The following HSF4 variants were observed in gnomAD, a reference collection of about 807,000 sequenced individuals.
HSF4 encodes the protein heat shock factor protein 4.
HSF4 carries 41 observed loss-of-function variants against 52.0 expected under a neutral mutation model. That is an observed-to-expected ratio of 0.79 (90% CI 0.61 to 1.02). The LOEUF (loss-of-function observed/expected upper bound fraction) is 1.02. HSF4 is among the 50% of genes least tolerant of loss of function. HSF4 has a pLI of 0.00. For synonymous variants in HSF4, 285 were observed against 273.0 expected, an observed-to-expected ratio of 1.04 and a Z score of -0.43; for missense variants, 610 against 651.1, an observed-to-expected ratio of 0.94 and a Z score of 0.69.
In HSF4 at chr16:67,169,887, A is replaced by G; in HGVS notation, c.*102A>G. 6 of 1,240,900 alleles carry G rather than the reference A, an allele frequency of 4.8e-6. No individual in the cohort carries two copies. Among genetic ancestry groups the G allele is most frequent in the Non-Finnish European group, 7.1e-6 (6 of 849,420 alleles). 76.9% of individuals were successfully genotyped at this position (1,240,900 alleles called of 1,614,324 possible). On this transcript the variant is annotated 3_prime_UTR_variant, in exon 13 of 13. Coordinates refer to ENST00000521374, the MANE Select transcript of HSF4 (RefSeq NM_001374675.1). The surrounding 1 kb of genome is among the most constrained non-coding windows in gnomAD (Gnocchi z 4.3). ...GGGGTGAGCGAAGCCCCCACTACTA[A>G]ATGGCCTCTCTCCACTACCCCGACT...
At position 67,165,745 on chromosome 16, in the gene HSF4, G is replaced by A. The variant is rs367654370; in HGVS notation, c.259G>A (p.Glu87Lys). Residue 87 changes from glutamate (E) to lysine (K), a missense_variant, in exon 3 of 13, where the codon GAG becomes AAG. Physicochemically the swap from Glu to Lys is moderately conservative, Grantham distance 56 (BLOSUM62 1). Coordinates refer to ENST00000521374, the MANE Select transcript of HSF4 (RefSeq NM_001374675.1). The surrounding 1 kb of genome is among the most constrained non-coding windows in gnomAD (Gnocchi z 6.9). ...CGGTTTTCGGAAGGTGGTGAGCATC[G>A]AGCAGGGCGGCCTGCTTAGGCCGGA... ...MYGFRKVVSIEQGGLLRPERD... is the reference protein window; with the variant it reads ...MYGFRKVVSIKQGGLLRPERD... The A allele has an allele frequency of 1.5e-4, 241 of 1,611,526 alleles. No individual in the cohort carries two copies. Among genetic ancestry groups the A allele is most frequent in the Non-Finnish European group, 2.0e-4 (234 of 1,179,794 alleles).
At chr16:67,163,933 C>T, upstream of HSF4, 4 of 1,462,598 alleles carry the variant, frequency 2.7e-6, no homozygotes, top group South Asian at 3.7e-5. Flanking sequence ...TGTTGCCCCC[C>T]GGGTCTTTAC....
rs1193140574 is a variant in HSF4, at chr16:67,165,003, C to T, written c.123+69C>T. ...CCTCCACGTCAGTGAACACCCATGC[C>T]CGCCCAACCCCCTCCTGAGACTGGG... On this transcript the variant is annotated intron_variant, in intron 1 of 12. Coordinates refer to ENST00000521374, the MANE Select transcript of HSF4 (RefSeq NM_001374675.1). This position sits in a 1 kb window ranked among gnomAD's most constrained non-coding sequence, Gnocchi z 6.9. The T allele has an allele frequency of 3.4e-6, 5 of 1,456,306 alleles. No individual in the cohort carries two copies. In the East Asian group the frequency reaches 9.8e-5, roughly 29 times the overall value. 90.2% of individuals were successfully genotyped at this position (1,456,306 alleles called of 1,614,324 possible).
rs1313423940 is a variant in HSF4, at chr16:67,168,927, G to T, written c.1179G>T (p.Gly393=). Residue 393 remains glycine, a synonymous_variant, in exon 10 of 13, where the codon GGG becomes GGT. Transcript: ENST00000521374. ...QPPQESVEPA[G]PLDVLGPSLQ... Reference sequence around the variant, plus strand: ...CTCAAGAAAGTGTGGAACCTGCAGGGCCTCTAGATGTGAGTACCCCTTCTG... The same window carrying T: ...CTCAAGAAAGTGTGGAACCTGCAGGTCCTCTAGATGTGAGTACCCCTTCTG... The T allele has an allele frequency of 6.2e-7, 1 of 1,613,958 alleles. No individual in the cohort carries two copies. Among genetic ancestry groups the T allele is most frequent in the African/African-American group, 1.3e-5 (1 of 75,028 alleles).
intron 9 of HSF4, among the ~76,000 whole-genome samples, chr16:67,168,512 G>A (rs1009891419): frequency 6.6e-6 from 1 of 151,014 alleles, no homozygotes; most frequent in South Asian, 2.1e-4. Context: ...GAGAGAGAGA[G>A]AGAAAGAAAA....
At chr16:67,166,485 C>T in intron 5 of HSF4, 73 bp from the exon 6 acceptor site, 2 of 1,599,694 alleles carry the variant, frequency 1.3e-6, no homozygotes, top group Non-Finnish European at 1.7e-6. Flanking sequence ...TTAAGCCTTC[C>T]TCCCTCACCT....
At position 67,165,779 on chromosome 16, in the gene HSF4, A is replaced by T. The variant is rs1264444474; in HGVS notation, c.293A>T (p.His98Leu). The T allele has an allele frequency of 1.2e-6, 2 of 1,610,186 alleles. No individual in the cohort carries two copies. The highest frequency in any genetic ancestry group is 1.7e-6 in the Non-Finnish European group (2 of 1,179,642). The change falls in exon 3 of 13, where the codon CAC (histidine) becomes CTC (leucine). Residue 98 changes from histidine to leucine, a missense_variant. Coordinates refer to ENST00000521374, the MANE Select transcript of HSF4 (RefSeq NM_001374675.1). This position sits in a 1 kb window ranked among gnomAD's most constrained non-coding sequence, Gnocchi z 6.9. ...QGGLLRPERD[H>L]VEFQHPSFVR... ...GGCCTGCTTAGGCCGGAGCGCGACC[A>T]CGTCGAGTTCCAGCACCCGAGCTTC...
chr16:67,167,069 A>T, intron 6 of HSF4, 51 bp from the exon 7 acceptor site: 3 of 1,613,192 alleles, frequency 1.9e-6, no homozygotes, highest in Non-Finnish European at 2.5e-6. Context: ...GCCGAGGTGC[A>T]TGGGGGCTGA....
At chr16:67,166,123 A>T (rs1329122316) in intron 4 of HSF4, 53 bp downstream of exon 4, 50 of 1,502,732 alleles carry the variant, frequency 3.3e-5, no homozygotes, top group Non-Finnish European at 4.4e-5. Flanking sequence ...TCGGGATGAG[A>T]CCATAACTGG....
Position 67,165,930 on chromosome 16 carries a change from T to A in HSF4, c.361-16T>A. ...TGCTCCTGCGACCCAGTCCCGACGG[T>A]GCCTCCCGCCTGCAGGTGCCCGCGC... On this transcript the variant is annotated splice_polypyrimidine_tract_variant and intron_variant, in intron 3 of 12. Coordinates refer to ENST00000521374, the MANE Select transcript of HSF4 (RefSeq NM_001374675.1). This position sits in a 1 kb window ranked among gnomAD's most constrained non-coding sequence, Gnocchi z 6.9. 1 of 1,581,362 alleles carries A rather than the reference T, an allele frequency of 6.3e-7. No individual in the cohort carries two copies. The highest frequency in any genetic ancestry group is 8.5e-7 in the Non-Finnish European group (1 of 1,172,108).
chr16:67,166,509 T>TA, intron 5 of HSF4, 49 bp from the exon 6 acceptor site: 1 of 1,604,794 alleles, frequency 6.2e-7, no homozygotes, highest in Non-Finnish European at 8.5e-7. Context: ...AGTGCGGGGG[T>TA]GGGGGGGCTG....
intron 9 of HSF4, 73 bp downstream of exon 9, chr16:67,168,020 C>T: frequency 8.5e-7 from 1 of 1,180,950 alleles, no homozygotes; most frequent in Non-Finnish European, 1.2e-6. Context: ...GCTTCCTAGC[C>T]ATTTGACTCC....
At chr16:67,164,698 C>G, upstream of HSF4, 1 of 1,316,012 alleles carries the variant, frequency 7.6e-7, no homozygotes, top group African/African-American at 1.5e-5. Context: ...CCCCGCCTGA[C>G]CCGGCGCCCC....
Position 67,167,834 on chromosome 16 carries a change from A to C in HSF4, c.969A>C (p.Pro323=), listed in dbSNP as rs1597242670. The C allele has an allele frequency of 1.9e-6, 3 of 1,603,310 alleles. No individual in the cohort carries two copies. Among genetic ancestry groups the C allele is most frequent in the Middle Eastern group, 1.7e-4 (1 of 6,046 alleles). Residue 323 remains proline, a synonymous_variant, in exon 9 of 13, where the codon CCA becomes CCC. Coordinates refer to ENST00000521374, the MANE Select transcript of HSF4 (RefSeq NM_001374675.1). ...ACTTCTGCGTGACAGCCCCCCCGCC[A>C]CTGCCTGTGGCTGTGGTGCAGGCCA... The part of the protein sequence containing the change: ...ECDFCVTAPP[P]LPVAVVQAIL...
chr16:67,164,239 C>T (rs2031072786), upstream of HSF4: 1 of 437,326 alleles, frequency 2.3e-6, no homozygotes, highest in East Asian at 6.5e-5. Flanking sequence ...CGCGGGGTAC[C>T]GGAGGAGCCA....
Position 67,169,004 on chromosome 16 carries a change from G to A in HSF4, c.1189-32G>A, listed in dbSNP as rs1380845287. On this transcript the variant is annotated intron_variant, in intron 10 of 12. Coordinates refer to ENST00000521374, the MANE Select transcript of HSF4 (RefSeq NM_001374675.1). This position sits in a 1 kb window ranked among gnomAD's most constrained non-coding sequence, Gnocchi z 4.3. ...GGGTCTAGCTCTCTGTGGAGCCTGG[G>A]GAGGGCACCACTGACCCAGAGCTCT... 6.2e-7 allele frequency: 1 copy of A among 1,613,284 alleles called. No homozygotes were observed. The highest frequency in any genetic ancestry group is 1.3e-5 in the African/African-American group (1 of 74,908).
rs1461346594 is a variant in HSF4, at chr16:67,165,391, TA to T, written c.124-129del. 1 of 855,850 alleles carries T rather than the reference TA, an allele frequency of 1.2e-6. No individual in the cohort carries two copies. The highest frequency in any genetic ancestry group is 1.9e-6 in the Non-Finnish European group (1 of 520,740). 53.0% of individuals were successfully genotyped at this position (855,850 alleles called of 1,614,324 possible). ...GGCCTGGCCTCGACCCATATCCCCG[TA>T]AGCGGCAGGCCTGGACCCAAGAGTG... On this transcript the variant is annotated intron_variant, in intron 1 of 12. Transcript: ENST00000521374. This position sits in a 1 kb window ranked among gnomAD's most constrained non-coding sequence, Gnocchi z 6.9.
intron 8 of HSF4, 23 bp from the exon 9 acceptor site, chr16:67,167,697 G>A: frequency 6.2e-7 from 1 of 1,611,970 alleles, no homozygotes; most frequent in Non-Finnish European, 8.5e-7. Flanking sequence ...CCAGGGTCTG[G>A]TTGAAGCTTT....
Position 67,169,763 on chromosome 16 carries a change from C to T in HSF4, c.1457C>T (p.Pro486Leu), listed in dbSNP as rs1567671483. The T allele has an allele frequency of 1.9e-6, 3 of 1,613,034 alleles. No individual in the cohort carries two copies. Among genetic ancestry groups the T allele is most frequent in the Non-Finnish European group, 2.5e-6 (3 of 1,179,992 alleles). ...AGCCGGACTGCCTCCTACTTGGGCCCGGAAGCCAGTCCCTCCCCCTAAGAC... is the reference window on the plus strand; with the variant it reads ...AGCCGGACTGCCTCCTACTTGGGCCTGGAAGCCAGTCCCTCCCCCTAAGAC... ...PESRTASYLGPEASPSP is the reference protein window; with the variant it reads ...PESRTASYLGLEASPSP Residue 486 changes from proline to leucine, a missense_variant, in exon 13 of 13, where the codon CCG becomes CTG. Pro to Leu is a moderately conservative substitution (Grantham distance 98, BLOSUM62 -3). Coordinates refer to ENST00000521374, the MANE Select transcript of HSF4 (RefSeq NM_001374675.1). This position sits in a 1 kb window ranked among gnomAD's most constrained non-coding sequence, Gnocchi z 4.3.
Sources: gnomAD v4.1 joint callset for allele counts (sites outside exome capture counted in the v4.1 genomes callset) on GRCh38, gnomAD v4.1.1 for gene constraint, Gnocchi (gnomAD v3.1) non-coding constraint, MANE v1.5 for transcripts, NCBI Gene and HGNC (gene_info 2026-07-23, HGNC 2026-07-21) for gene names.